Variants in ZNF398 observed in about 807,000 individuals in gnomAD.
The protein encoded by ZNF398 is zinc finger DNA binding protein ZER6.
ZNF398 carries 18 observed loss-of-function variants against 41.9 expected under a neutral mutation model. The ratio of observed to expected loss-of-function variants is 0.43; its 90% CI spans 0.30 to 0.64. The LOEUF (loss-of-function observed/expected upper bound fraction) is 0.64, where lower values mean the gene tolerates loss of function less well. Ranked by LOEUF, ZNF398 falls within the 30% of genes least tolerant of loss-of-function variation. ZNF398 has a pLI of 0.14. For synonymous variants in ZNF398, 260 were observed against 308.8 expected, an observed-to-expected ratio of 0.84 and a Z score of 1.66; for missense variants, 669 against 822.8, an observed-to-expected ratio of 0.81 and a Z score of 2.29.
intron 2 of ZNF398, among the ~76,000 whole-genome samples, chr7:149,158,026 A>G (rs1563160526): frequency 6.6e-6 from 1 of 150,838 alleles, no homozygotes; most frequent in Non-Finnish European, 1.5e-5. Context: ...AGGTTGCAGT[A>G]AGCCGAGATC....
At chr7:149,129,941 C>T (rs1269883211) in intron 2 of ZNF398, among the ~76,000 whole-genome samples, 2 of 152,128 alleles carry the variant, frequency 1.3e-5, no homozygotes, top group Non-Finnish European at 2.9e-5. Context: ...ACTGGGATTA[C>T]AGGCATGTGC....
chr7:149,144,649 TGCAATC>T (rs1826895841), upstream of ZNF398, among the ~76,000 whole-genome samples: 1 of 151,046 alleles, frequency 6.6e-6, no homozygotes, highest in Non-Finnish European at 1.5e-5. Context: ...AGTGCAATGG[TGCAATC>T]TCCGCTCACT....
At chr7:149,171,478 C>T (rs1028485162) in intron 4 of ZNF398, among the ~76,000 whole-genome samples, 1 of 151,984 alleles carries the variant, frequency 6.6e-6, no homozygotes, top group Non-Finnish European at 1.5e-5. Context: ...AAGTGATTCT[C>T]CTGCCTCAGC....
intron 4 of ZNF398, among the ~76,000 whole-genome samples, chr7:149,171,560 C>T (rs771196430): frequency 8.6e-5 from 13 of 151,752 alleles, no homozygotes; most frequent in Non-Finnish European, 1.3e-4. Flanking sequence ...TTATTAGAGA[C>T]GAGGTTTCAC....
At chr7:149,150,480 T>G (rs1827083007) in intron 1 of ZNF398, among the ~76,000 whole-genome samples, 1 of 151,996 alleles carries the variant, frequency 6.6e-6, no homozygotes, top group Non-Finnish European at 1.5e-5. Context: ...GTGCCTGTGG[T>G]CCCGGCTACT....
chr7:149,126,552 AC>A (rs1826482335), exon 1 of ZNF398: 1 of 444,364 alleles, frequency 2.3e-6, no homozygotes, highest in Non-Finnish European at 4.0e-6. Context: ...GGGAGGGGAA[AC>A]GGAGGGGCAG....
chr7:149,157,603 G>T (rs1795009774), intron 2 of ZNF398, among the ~76,000 whole-genome samples: 1 of 151,780 alleles, frequency 6.6e-6, no homozygotes, highest in Non-Finnish European at 1.5e-5. Context: ...ACTTTGGGAG[G>T]CCAAGGCAGG....
chr7:149,147,604 C>G lies in ZNF398; in HGVS notation c.-139C>G. ...CGAGCCCCGACGGCCGCGTGAGTCC[C>G]GTCCGTGCGGGGAAGGCAGGGCCGG... On this transcript the variant is annotated 5_prime_UTR_variant, in exon 1 of 6. Transcript: ENST00000475153. The surrounding 1 kb of genome is among the most constrained non-coding windows in gnomAD (Gnocchi z 5.6). 1 of 973,492 alleles carries G rather than the reference C, an allele frequency of 1.0e-6. No individual in the cohort carries two copies. Among genetic ancestry groups the G allele is most frequent in the Non-Finnish European group, 1.3e-6 (1 of 763,804 alleles). The allele number at this position is 973,492 out of a possible 1,614,324, so 60.3% of individuals were successfully genotyped here.
chr7:149,153,111 G>A (rs988736415), intron 1 of ZNF398, among the ~76,000 whole-genome samples: 22 of 152,036 alleles, frequency 1.4e-4, no homozygotes, highest in South Asian at 1.0e-3. Flanking sequence ...TGCCCACCTC[G>A]GCCTCCCAAA....
chr7:149,156,589 T>G (rs556225129), intron 2 of ZNF398, among the ~76,000 whole-genome samples: 1 of 150,546 alleles, frequency 6.6e-6, no homozygotes, highest in South Asian at 2.1e-4. Context: ...CCAGGCGCAG[T>G]GGCTCACGCC....
intron 3 of ZNF398, 137 bp downstream of exon 3, chr7:149,166,421 C>T: frequency 1.0e-6 from 1 of 1,001,778 alleles, no homozygotes; most frequent in Non-Finnish European, 1.5e-6. Context: ...CAAAATATGA[C>T]CAATTAATGC....
intron 2 of ZNF398, among the ~76,000 whole-genome samples, chr7:149,155,325 C>T (rs1040963070): frequency 1.3e-4 from 20 of 152,188 alleles, no homozygotes; most frequent in African/African-American, 4.6e-4. Flanking sequence ...GAAGCTGAGG[C>T]AGGAGAATCG....
chr7:149,142,542 C>T (rs936163276), upstream of ZNF398, among the ~76,000 whole-genome samples: 7 of 152,198 alleles, frequency 4.6e-5, no homozygotes, highest in Non-Finnish European at 1.5e-5. Context: ...TGGCAGGCAC[C>T]TGTAGTCCCA....
intron 1 of ZNF398, among the ~76,000 whole-genome samples, chr7:149,153,134 C>A (rs912959092): frequency 6.6e-6 from 1 of 152,126 alleles, no homozygotes; most frequent in African/African-American, 2.4e-5. Context: ...GCTGGGATTA[C>A]AGGCATGAGC....
chr7:149,181,205 C>T lies in ZNF398; in HGVS notation c.*1404C>T, dbSNP rs1795582491. On this transcript the variant is annotated 3_prime_UTR_variant, in exon 6 of 6. Coordinates refer to ENST00000475153, the MANE Select transcript of ZNF398 (RefSeq NM_170686.3). ...TTCAAAAAAAGTCTGTGATACATTC[C>T]TTTTCCTGCCAAAGTTCTGTCTCTG... 6.6e-6 allele frequency: 1 copy of T among 152,636 alleles called. No homozygotes were observed. Among genetic ancestry groups the T allele is most frequent in the African/African-American group, 2.4e-5 (1 of 41,452 alleles). 9.5% of individuals were successfully genotyped at this position (152,636 alleles called of 1,614,324 possible).
intron 2 of ZNF398, among the ~76,000 whole-genome samples, chr7:149,155,734 T>TTA (rs1794961667): frequency 9.9e-5 from 11 of 110,612 alleles, no homozygotes; most frequent in South Asian, 2.6e-4. Context: ...TTTTTTAATT[T>TTA]TTTTTTTTTT....
chr7:149,133,115 A>G (rs1370809018), intron 2 of ZNF398, among the ~76,000 whole-genome samples: 2 of 151,152 alleles, frequency 1.3e-5, no homozygotes, highest in East Asian at 3.9e-4. Context: ...TTTTATCAGT[A>G]AGGCTTTTTT....
At chr7:149,167,033 T>C (rs939044685) in intron 4 of ZNF398, 103 bp downstream of exon 4, 1 of 714,442 alleles carries the variant, frequency 1.4e-6, no homozygotes, top group African/African-American at 1.8e-5. Context: ...CATTCATTGC[T>C]AAAGCAACTA....
intron 2 of ZNF398, among the ~76,000 whole-genome samples, chr7:149,155,961 C>T (rs1310859978): frequency 6.6e-6 from 1 of 151,648 alleles, no homozygotes; most frequent in African/African-American, 2.4e-5. Context: ...CTCCTGACCT[C>T]GTGATCCGCT....
Sources: allele counts gnomAD v4.1 joint callset (sites outside exome capture counted in the v4.1 genomes callset), GRCh38; gene constraint gnomAD v4.1.1; non-coding constraint Gnocchi (gnomAD v3.1); transcripts MANE v1.5; gene names NCBI Gene and HGNC (gene_info 2026-07-23, HGNC 2026-07-21).